Variants in COPA observed in about 807,000 individuals in gnomAD.
COPA encodes the protein coatomer subunit alpha.
Under a neutral mutation model 158.7 loss-of-function variants are expected in COPA, and 10 were observed. That is an observed-to-expected ratio of 0.06 (90% confidence interval 0.04 to 0.11). The LOEUF (loss-of-function observed/expected upper bound fraction) is 0.11, where lower values mean the gene tolerates loss of function less well. Among genes scored for constraint, COPA ranks in the 10% least tolerant of loss-of-function variants. The probability of loss-of-function intolerance (pLI) is 1.00; values close to 1 mark genes in which losing one functional copy is unlikely to be tolerated. For synonymous variants in COPA, 462 were observed against 542.8 expected (o/e 0.85, Z 2.07); for missense variants, 1,065 against 1,536.7 (o/e 0.69, Z 5.13).
intron 8 of COPA, among the ~76,000 whole-genome samples, chr1:160,318,284 T>A (rs1571169471): frequency 2.0e-5 from 3 of 152,052 alleles, no homozygotes; most frequent in African/African-American, 7.2e-5. Context: ...TAAGATTTTT[T>A]AAAAATCTTG....
At chr1:160,295,923 T>C (rs1658387451) in intron 22 of COPA, 64 bp from the exon 23 acceptor site, 3 of 1,581,088 alleles carry the variant, frequency 1.9e-6, no homozygotes, top group East Asian at 2.2e-5. Context: ...AGGAAAGTTA[T>C]GGAGCCTCCT....
rs1195901074 is a variant in COPA at position 160,295,847 on chromosome 1, C to G, written c.2365G>C (p.Asp789His). The change falls in exon 23 of 33, where the codon GAC (aspartate) becomes CAC (histidine). Residue 789 changes from aspartate to histidine, a missense_variant. Asp to His is a moderately conservative substitution (Grantham distance 81, BLOSUM62 -1). Transcript: ENST00000241704. The stretch of plus-strand genomic sequence containing the variant: ...GGCTGGAGCAGCTTGGCATTAGGGT[C>G]AATGTCTGGGATCTGAATAGTAGAA... ...DPEKETIPDIDPNAKLLQPPA... is the reference protein window; with the variant it reads ...DPEKETIPDIHPNAKLLQPPA... The G allele has an allele frequency of 1.2e-5, 19 of 1,609,596 alleles. No homozygotes were observed. Among genetic ancestry groups the G allele is most frequent in the Non-Finnish European group, 1.6e-5 (19 of 1,178,766 alleles).
chr1:160,306,624 T>C, intron 14 of COPA, 131 bp from the exon 15 acceptor site: 1 of 1,131,022 alleles, frequency 8.8e-7, no homozygotes, highest in Non-Finnish European at 1.3e-6. Flanking sequence ...CCATGTCAAT[T>C]ACCACTGCAG....
intron 5 of COPA, 82 bp from the exon 6 acceptor site, chr1:160,332,639 A>G (rs756916123): frequency 4.3e-6 from 4 of 924,546 alleles, no homozygotes; most frequent in African/African-American, 1.7e-5. Flanking sequence ...TCCATATTCA[A>G]TAAATGCTTA....
chr1:160,290,788 C>T, intron 31 of COPA, 102 bp from the exon 32 acceptor site: 1 of 1,094,000 alleles, frequency 9.1e-7, no homozygotes, highest in South Asian at 1.4e-5. Context: ...TGAGACACAA[C>T]TGTACTGCGT....
Position 160,311,902 on chromosome 1 carries a change from T to C in COPA, c.1042A>G (p.Ser348Gly). Reference sequence around the variant, plus strand: ...TGCATCACAGCTACATCTTTGGAGCTGTTGAAATCCAGCTGTCGTAAGAAT... The same window carrying C: ...TGCATCACAGCTACATCTTTGGAGCCGTTGAAATCCAGCTGTCGTAAGAAT... ...DRFLRQLDFN[S>G]SKDVAVMQLR... is the part of the protein sequence containing the mutation. The change falls in exon 11 of 33, where the codon AGC (serine) becomes GGC (glycine). Residue 348 changes from serine to glycine, a missense_variant. Ser to Gly is a moderately conservative substitution (Grantham distance 56). This residue lies in a region of COPA where 980 missense variants were observed against 1,357.8 expected (regional missense o/e 0.72). Coordinates refer to ENST00000241704, the MANE Select transcript of COPA (RefSeq NM_004371.4). The C allele has an allele frequency of 6.2e-7, 1 of 1,614,044 alleles. No homozygotes were observed. The highest frequency in any genetic ancestry group is 8.5e-7 in the Non-Finnish European group (1 of 1,179,926).
intron 5 of COPA, chr1:160,333,375 G>A (rs759197391): frequency 1.4e-4 from 61 of 438,406 alleles, no homozygotes; most frequent in Non-Finnish European, 2.2e-4. Flanking sequence ...GTTCTAAAAG[G>A]CTATATGACT....
intron 7 of COPA, 47 bp downstream of exon 7, chr1:160,325,495 TC>T (rs761563026): frequency 4.8e-6 from 7 of 1,461,180 alleles, no homozygotes; most frequent in Non-Finnish European, 6.7e-6. Context: ...ACTGTGACTT[TC>T]CCAAGATGAC....
rs1647632558 is a variant in COPA at position 160,333,619 on chromosome 1, A to G, written c.370T>C (p.Ser124Pro). ...DQTIRVWNWQ[S>P]RTCVCVLTGH... ...CTGCTTTACCAAACACAGGTTCTAG[A>G]TTGCCAGTTCCACACTCGGATGGTC... The change falls in exon 5 of 33, where the codon TCT (serine) becomes CCT (proline). Residue 124 changes from serine (S) to proline (P), a missense_variant. Physicochemically the swap from Ser to Pro is moderately conservative, Grantham distance 74 (BLOSUM62 -1). Transcript: ENST00000241704. 1 of 1,613,022 alleles carries G rather than the reference A, an allele frequency of 6.2e-7. No individual in the cohort carries two copies. The highest frequency in any genetic ancestry group is 1.3e-5 in the African/African-American group (1 of 75,026).
chr1:160,299,106 T>A lies in COPA; in HGVS notation c.1826A>T (p.Asp609Val), dbSNP rs777845758. The A allele has an allele frequency of 2.2e-5, 36 of 1,613,854 alleles. No homozygotes were observed. The highest frequency in any genetic ancestry group is 2.9e-5 in the Non-Finnish European group (34 of 1,179,870). ...FKLALINRKYDEVLHMVRNAK... is the reference protein window; with the variant it reads ...FKLALINRKYVEVLHMVRNAK... ...GTTTGCATCCTCACTTCATACCTCA[T>A]CATATTTTCTGTTGATCAGGGCCAG... Residue 609 changes from aspartate to valine, a missense_variant, in exon 18 of 33, where the codon GAT (aspartate) becomes GTT (valine). Asp to Val is a radical substitution (Grantham distance 152). Around this residue, in one of 2 missense-constraint regions of COPA, gnomAD observed 980 missense variants for 1,357.8 expected, o/e 0.72. Transcript: ENST00000241704.
chr1:160,321,862 C>G (rs1484117387), intron 8 of COPA, among the ~76,000 whole-genome samples: 1 of 151,824 alleles, frequency 6.6e-6, no homozygotes, highest in Non-Finnish European at 1.5e-5. Flanking sequence ...TTTATAGTAA[C>G]TACAAAAAAT....
In COPA at chr1:160,325,561, C is replaced by T. The variant is rs1384914390; in HGVS notation, c.588G>A (p.Val196=). 6.2e-7 allele frequency: 1 copy of T among 1,614,144 alleles called. No individual in the cohort carries two copies. The highest frequency in any genetic ancestry group is 1.1e-5 in the South Asian group (1 of 91,084). ...TAAGTACCTCTAGTACATGCTTCAC[C>T]ACTGCATCTGTAGTTCCAAATAGAT... ...GVDLFGTTDA[V]VKHVLEGHDR... Residue 196 remains valine, a synonymous_variant, in exon 7 of 33, where the codon GTG becomes GTA. Coordinates refer to ENST00000241704, the MANE Select transcript of COPA (RefSeq NM_004371.4).
At chr1:160,313,298 A>G in intron 9 of COPA, 131 bp from the exon 10 acceptor site, 1 of 718,492 alleles carries the variant, frequency 1.4e-6, no homozygotes, top group Non-Finnish European at 2.4e-6. Context: ...TGCATATCCT[A>G]AGTAACAGTA....
rs1647685360 is a variant in COPA at position 160,334,759 on chromosome 1, TG to T, written c.309+482del. Among the ~76,000 whole-genome samples, 3 of 152,160 alleles carry T rather than the reference TG, an allele frequency of 2.0e-5. No homozygotes were observed. In the South Asian group the frequency reaches 6.2e-4, roughly 32 times the overall value. On this transcript the variant is annotated intron_variant, in intron 4 of 32. Transcript: ENST00000241704. Reference sequence around the variant, plus strand: ...CACTATCTAAATCTACTATGTTACCTGGCAGATCAAAGAAAGTAGTAAGCCT... The same window carrying T: ...CACTATCTAAATCTACTATGTTACCTGCAGATCAAAGAAAGTAGTAAGCCT...
At position 160,333,666 on chromosome 1, in the gene COPA, A is replaced by G. The variant is rs1287643455; in HGVS notation, c.323T>C (p.Ile108Thr). 4 of 1,612,522 alleles carry G rather than the reference A, an allele frequency of 2.5e-6. No homozygotes were observed. The highest frequency in any genetic ancestry group is 3.4e-6 in the Non-Finnish European group (4 of 1,178,854). The stretch of plus-strand genomic sequence containing the variant: ...GGTCTGATCATCGGAGGCACTCAGA[A>G]TCCAGGGATATTCCTGAAAGATATT... ...TTFFHHEYPW[I>T]LSASDDQTIR... is the part of the protein sequence containing the mutation. The change falls in exon 5 of 33, where the codon ATT becomes ACT. Residue 108 changes from isoleucine (I) to threonine (T), a missense_variant. This residue lies in a region of COPA where 85 missense variants were observed against 178.9 expected (regional missense o/e 0.48). Transcript: ENST00000241704.
intron 7 of COPA, among the ~76,000 whole-genome samples, chr1:160,324,282 A>AT (rs1659422607): frequency 7.2e-6 from 1 of 138,880 alleles, no homozygotes; most frequent in African/African-American, 2.7e-5. Flanking sequence ...TGTCTTCTTC[A>AT]TTCTTTTTTT....
rs561604029 is a variant in COPA at position 160,322,876 on chromosome 1, G to A, written c.706+555C>T. Among the ~76,000 whole-genome samples the A allele has an allele frequency of 9.2e-5, 14 of 152,076 alleles. No individual in the cohort carries two copies. The East Asian group carries it at 9.6e-4, about 10-fold the overall frequency. ...ATAAAGGAAATAAATATATCAAAGCGGTATCTGCATCCCCATGTTTGTTTA... is the reference window on the plus strand; with the variant it reads ...ATAAAGGAAATAAATATATCAAAGCAGTATCTGCATCCCCATGTTTGTTTA... On this transcript the variant is annotated intron_variant, in intron 8 of 32. Coordinates refer to ENST00000241704, the MANE Select transcript of COPA (RefSeq NM_004371.4).
chr1:160,331,000 C>G (rs991538615), intron 6 of COPA, among the ~76,000 whole-genome samples: 2 of 151,568 alleles, frequency 1.3e-5, no homozygotes, highest in African/African-American at 4.9e-5. Flanking sequence ...ATGGTGAAAC[C>G]CTGTCTCTAC....
At chr1:160,310,692 C>A (rs937101807) in intron 11 of COPA, among the ~76,000 whole-genome samples, 1 of 152,096 alleles carries the variant, frequency 6.6e-6, no homozygotes, top group African/African-American at 2.4e-5. Flanking sequence ...GGGTGGTTAT[C>A]AAAACCTCAT....
Sources: allele counts gnomAD v4.1 joint callset (sites outside exome capture counted in the v4.1 genomes callset), GRCh38; gene constraint gnomAD v4.1.1; regional missense constraint gnomAD v4.1.1; transcripts MANE v1.5; gene names NCBI Gene and HGNC (gene_info 2026-07-23, HGNC 2026-07-21).